The following PCCA variants were observed in gnomAD, a reference collection of about 807,000 sequenced individuals.
PCCA encodes the protein propionyl-CoA carboxylase subunit alpha.
Under a neutral mutation model 101.3 loss-of-function variants are expected in PCCA, and 74 were observed. That is an observed-to-expected ratio of 0.73 (90% confidence interval 0.61 to 0.89). PCCA has a LOEUF of 0.89. PCCA is among the 40% of genes least tolerant of loss of function. PCCA has a pLI of 0.00. For synonymous variants in PCCA, 294 were observed against 313.6 expected (o/e 0.94, Z 0.66); for missense variants, 891 against 907.0 (o/e 0.98, Z 0.23).
At chr13:100,424,651 A>G (rs1039154384) in intron 19 of PCCA, among the ~76,000 whole-genome samples, 2 of 152,162 alleles carry the variant, frequency 1.3e-5, no homozygotes, top group East Asian at 3.9e-4. Context: ...GTTTTCAGCA[A>G]TCTTTGTCCA....
intron 16 of PCCA, among the ~76,000 whole-genome samples, chr13:100,329,414 A>T (rs2069201149): frequency 6.6e-6 from 1 of 152,118 alleles, no homozygotes; most frequent in Non-Finnish European, 1.5e-5. Flanking sequence ...AACCTTGAGG[A>T]TGAGGAGCTT....
chr13:100,376,586 G>A lies in PCCA; in HGVS notation c.1746+8012G>A, dbSNP rs118149942. Among the ~76,000 whole-genome samples the A allele has an allele frequency of 8.4e-3, 1,286 of 152,268 alleles. 11 individuals are homozygous for A. Among genetic ancestry groups the A allele is most frequent in the Non-Finnish European group, 0.015 (1,050 of 68,008 alleles). On this transcript the variant is annotated intron_variant, in intron 19 of 23. Coordinates refer to ENST00000376285, the MANE Select transcript of PCCA (RefSeq NM_000282.4). ...TCTAGAGAGACAGTCTGGCGACAGCGGCTTTACCAAGCTGCCATGGCTTTG... is the reference window on the plus strand; with the variant it reads ...TCTAGAGAGACAGTCTGGCGACAGCAGCTTTACCAAGCTGCCATGGCTTTG...
chr13:100,450,624 C>G lies in PCCA; in HGVS notation c.1899+1319C>G, dbSNP rs200408775. On this transcript the variant is annotated intron_variant, in intron 21 of 23. Coordinates refer to ENST00000376285, the MANE Select transcript of PCCA (RefSeq NM_000282.4). ...TCTGCAAGAATATCAAGAGGTATTT[C>G]AGGCGAGAGAGCTTGCGTGAAAAAG... Among the ~76,000 whole-genome samples, 9 of 152,128 alleles carry G rather than the reference C, an allele frequency of 5.9e-5. No individual in the cohort carries two copies. The East Asian group carries it at 1.7e-3, about 29-fold the overall frequency.
chr13:100,219,968 G>C (rs1228543743), intron 7 of PCCA, among the ~76,000 whole-genome samples: 5 of 152,114 alleles, frequency 3.3e-5, no homozygotes, highest in Admixed American at 3.3e-4. Flanking sequence ...GTAATATGGA[G>C]TTACATTGTT....
intron 8 of PCCA, among the ~76,000 whole-genome samples, chr13:100,255,014 A>G (rs2152554032): frequency 6.6e-6 from 1 of 152,100 alleles, no homozygotes; most frequent in Admixed American, 6.5e-5. Context: ...TGAGTCTAAG[A>G]GGTCAAGGCT....
At chr13:100,106,348 C>G (rs1047711273) in intron 2 of PCCA, among the ~76,000 whole-genome samples, 1 of 152,154 alleles carries the variant, frequency 6.6e-6, no homozygotes, top group Admixed American at 6.5e-5. Context: ...TGACCTCCCA[C>G]ATTGGTGACC....
chr13:100,356,832 A>G (rs111470538), intron 18 of PCCA, among the ~76,000 whole-genome samples: 61 of 152,298 alleles, frequency 4.0e-4, no homozygotes, highest in African/African-American at 1.3e-3. Flanking sequence ...ATGATGAATG[A>G]GTATATAATA....
intron 21 of PCCA, among the ~76,000 whole-genome samples, chr13:100,484,260 G>A (rs1363246886): frequency 6.6e-6 from 1 of 152,114 alleles, no homozygotes; most frequent in African/African-American, 2.4e-5. Context: ...TGTAAGGACT[G>A]TGTCCCTATT....
chr13:100,314,781 G>A (rs574113143), intron 16 of PCCA, among the ~76,000 whole-genome samples: 95 of 152,314 alleles, frequency 6.2e-4, no homozygotes, highest in African/African-American at 2.1e-3. Flanking sequence ...AGCAACTTAT[G>A]TAGATCAAAG....
At chr13:100,199,204 C>A (rs2058318830) in intron 6 of PCCA, among the ~76,000 whole-genome samples, 1 of 151,266 alleles carries the variant, frequency 6.6e-6, no homozygotes, top group Admixed American at 6.6e-5. Flanking sequence ...ACCCTGAATC[C>A]TGGAAAGCTG....
intron 20 of PCCA, among the ~76,000 whole-genome samples, chr13:100,447,711 C>T (rs902888838): frequency 6.6e-6 from 1 of 151,906 alleles, no homozygotes; most frequent in Admixed American, 6.6e-5. Context: ...GGTCAAAATG[C>T]TCCCATACTG....
intron 16 of PCCA, among the ~76,000 whole-genome samples, chr13:100,329,905 A>C (rs1383055078): frequency 2.6e-5 from 4 of 152,228 alleles, no homozygotes; most frequent in Non-Finnish European, 5.9e-5. Flanking sequence ...GGGATACACC[A>C]AAAACTGCAA....
intron 1 of PCCA, among the ~76,000 whole-genome samples, chr13:100,094,658 G>T (rs545340903): frequency 6.6e-6 from 1 of 152,120 alleles, no homozygotes; most frequent in Admixed American, 6.5e-5. Context: ...TGTGATCTCC[G>T]CTCACGGCAA....
chr13:100,243,116 A>G (rs2061248306), intron 8 of PCCA, among the ~76,000 whole-genome samples: 1 of 152,176 alleles, frequency 6.6e-6, no homozygotes, highest in East Asian at 1.9e-4. Context: ...GACTAGTCTG[A>G]AACTCCTGAC....
intron 6 of PCCA, among the ~76,000 whole-genome samples, chr13:100,196,751 G>A (rs2152457142): frequency 6.6e-6 from 1 of 152,284 alleles, no homozygotes; most frequent in Middle Eastern, 3.4e-3. Flanking sequence ...TAAAAATCGT[G>A]TGGGTTTATA....
intron 6 of PCCA, among the ~76,000 whole-genome samples, chr13:100,169,704 T>TA (rs940956260): frequency 6.8e-6 from 1 of 147,500 alleles, no homozygotes; most frequent in Non-Finnish European, 1.5e-5. Flanking sequence ...ATTTCTGTAT[T>TA]TTTTTTTTTT....
intron 12 of PCCA, among the ~76,000 whole-genome samples, chr13:100,300,721 A>G (rs1286318945): frequency 6.6e-6 from 1 of 152,256 alleles, no homozygotes; most frequent in African/African-American, 2.4e-5. Context: ...TTATGTTGAC[A>G]TGTATCCCTG....
At chr13:100,419,963 C>T (rs1346447134) in intron 19 of PCCA, among the ~76,000 whole-genome samples, 2 of 152,192 alleles carry the variant, frequency 1.3e-5, no homozygotes, top group East Asian at 1.9e-4. Context: ...ACACCTCTAG[C>T]GTTGTGTCTT....
intron 22 of PCCA, among the ~76,000 whole-genome samples, chr13:100,519,829 C>T (rs2087101342): frequency 6.6e-6 from 1 of 152,278 alleles, no homozygotes; most frequent in African/African-American, 2.4e-5. Flanking sequence ...CGGGTGTTTG[C>T]CTGGCATCGC....
Sources: allele counts gnomAD v4.1 joint callset (sites outside exome capture counted in the v4.1 genomes callset), GRCh38; gene constraint gnomAD v4.1.1; transcripts MANE v1.5; gene names NCBI Gene and HGNC (gene_info 2026-07-23, HGNC 2026-07-21).